WWOX: variants seen among roughly 807,000 people sequenced by gnomAD.
The protein encoded by WWOX is WW domain containing oxidoreductase.
A neutral mutation model predicts 46.2 loss-of-function variants in WWOX; 69 were observed. That is an observed-to-expected ratio of 1.49 (90% CI 1.23 to 1.82). The LOEUF (loss-of-function observed/expected upper bound fraction) is 1.82. Ranked by LOEUF, WWOX falls within the 40% of genes most tolerant of loss-of-function variation. WWOX has a pLI of 0.00. For missense variants in WWOX, 919 were observed against 542.6 expected (o/e 1.69, Z -6.89); for synonymous variants, 359 against 202.6 (o/e 1.77, Z -6.56).
chr16:78,650,944 A>G (rs2046952885), intron 8 of WWOX, among the ~76,000 whole-genome samples: 1 of 152,234 alleles, frequency 6.6e-6, no homozygotes, highest in Admixed American at 6.5e-5. Context: ...TTTATGTCCT[A>G]AAACCTTATC....
At chr16:79,027,333 T>G (rs147315901) in intron 8 of WWOX, among the ~76,000 whole-genome samples, 7 of 150,212 alleles carry the variant, frequency 4.7e-5, no homozygotes, top group African/African-American at 1.5e-4. Flanking sequence ...GTAGATAATA[T>G]AGCTCTGCAG....
chr16:79,093,493 T>C (rs1202327273), intron 8 of WWOX, among the ~76,000 whole-genome samples: 4 of 148,324 alleles, frequency 2.7e-5, no homozygotes, highest in African/African-American at 1.0e-4. Context: ...TATATGATGA[T>C]TTTTTTTTCT....
At chr16:78,468,067 T>A (rs1163350545) in intron 8 of WWOX, among the ~76,000 whole-genome samples, 1 of 152,152 alleles carries the variant, frequency 6.6e-6, no homozygotes, top group African/African-American at 2.4e-5. Flanking sequence ...AAGCCACCAA[T>A]CAAAACTGAC....
intron 8 of WWOX, among the ~76,000 whole-genome samples, chr16:78,984,113 C>G (rs1277512125): frequency 6.6e-6 from 1 of 152,028 alleles, no homozygotes; most frequent in South Asian, 2.1e-4. Context: ...CTCCTGACCT[C>G]GTGATCTGCC....
chr16:78,657,398 G>A (rs575096527), intron 8 of WWOX, among the ~76,000 whole-genome samples: 3 of 152,056 alleles, frequency 2.0e-5, no homozygotes, highest in East Asian at 1.9e-4. Context: ...TGTGCTTCCC[G>A]ACTCCCAGGG....
chr16:79,164,216 A>G (rs974627031), intron 8 of WWOX, among the ~76,000 whole-genome samples: 1 of 152,204 alleles, frequency 6.6e-6, no homozygotes, highest in Admixed American at 6.5e-5. Flanking sequence ...AGCTACAGCA[A>G]TTGAGGCTTG....
rs1171762029 is a variant in WWOX at position 78,293,982 on chromosome 16, A to AAAC, written c.517-92876_517-92875insCAA. Among the ~76,000 whole-genome samples the AAAC allele has an allele frequency of 2.4e-3, 328 of 135,816 alleles. 14 individuals are homozygous for AAAC. Among genetic ancestry groups the AAAC allele is most frequent in the Middle Eastern group, 0.015 (4 of 266 alleles). 89.1% of individuals were successfully genotyped at this position (135,816 alleles called of 152,430 possible). On this transcript the variant is annotated intron_variant, in intron 5 of 8. Transcript: ENST00000566780. Reference sequence around the variant, plus strand: ...ACAGAGTGAGACTCTGTCTCAGAAAAAAAAAAAAAAAAAAAAAAAAAAAAA... The same window carrying AAAC: ...ACAGAGTGAGACTCTGTCTCAGAAAAAACAAAAAAAAAAAAAAAAAAAAAAAAA...
chr16:79,026,710 C>T (rs909643817), intron 8 of WWOX, among the ~76,000 whole-genome samples: 6 of 149,610 alleles, frequency 4.0e-5, no homozygotes, highest in Admixed American at 6.6e-5. Flanking sequence ...CTCCGCCTCC[C>T]GGGTTCACAC....
At chr16:78,849,837 C>T (rs2151179153) in intron 8 of WWOX, among the ~76,000 whole-genome samples, 1 of 152,176 alleles carries the variant, frequency 6.6e-6, no homozygotes, top group African/African-American at 2.4e-5. Flanking sequence ...CTTTGGGAGG[C>T]CGAGGTGGTC....
At chr16:78,633,137 C>T (rs574772964) in intron 8 of WWOX, among the ~76,000 whole-genome samples, 2 of 152,014 alleles carry the variant, frequency 1.3e-5, no homozygotes, top group Non-Finnish European at 2.9e-5. Flanking sequence ...TGGCGTGTGC[C>T]TGTAATCCCA....
chr16:78,829,086 AGATGGATGGATGGATGGATGGATG>A (rs59225171), intron 8 of WWOX, among the ~76,000 whole-genome samples: 2 of 147,604 alleles, frequency 1.4e-5, no homozygotes, highest in Admixed American at 6.7e-5. Flanking sequence ...TCCATCTGGA[AGATGGATGGATGGATGGATGGATG>A]GATGGATGGA....
Position 78,657,881 on chromosome 16 carries a change from G to A in WWOX, c.1056+225129G>A, listed in dbSNP as rs140684306. Among the ~76,000 whole-genome samples the A allele has an allele frequency of 2.2e-3, 338 of 152,086 alleles. 9 individuals carry two copies. Among genetic ancestry groups the A allele is most frequent in the Admixed American group, 0.019 (292 of 15,272 alleles). ...TTCGGGGGCTGGAGTAGTGTGCAGA[G>A]CCTGGCGGTGATTGTTCTCATTAGA... On this transcript the variant is annotated intron_variant, in intron 8 of 8. Transcript: ENST00000566780.
intron 8 of WWOX, among the ~76,000 whole-genome samples, chr16:78,726,149 C>G (rs1406949649): frequency 7.1e-6 from 1 of 140,602 alleles, no homozygotes; most frequent in Non-Finnish European, 1.5e-5. Context: ...TTCTCTTTCT[C>G]TCTTTCTCTT....
intron 8 of WWOX, 87 bp downstream of exon 8, chr16:78,432,839 G>A (rs2083257787): frequency 1.9e-6 from 3 of 1,593,012 alleles, no homozygotes; most frequent in Non-Finnish European, 1.7e-6. Flanking sequence ...CCTCTTGCGG[G>A]CATGAGTCTG....
chr16:79,003,907 G>A (rs1171993590), intron 8 of WWOX, among the ~76,000 whole-genome samples: 1 of 152,182 alleles, frequency 6.6e-6, no homozygotes, highest in African/African-American at 2.4e-5. Flanking sequence ...GAGGAGAAGC[G>A]AATTGATGGG....
intron 8 of WWOX, among the ~76,000 whole-genome samples, chr16:78,594,994 G>A (rs2045452992): frequency 6.6e-6 from 1 of 152,182 alleles, no homozygotes; most frequent in African/African-American, 2.4e-5. Flanking sequence ...TTGAAGACTT[G>A]TGGAAAAGGG....
At chr16:78,124,970 C>A (rs530901827) in intron 4 of WWOX, among the ~76,000 whole-genome samples, 1 of 152,044 alleles carries the variant, frequency 6.6e-6, no homozygotes, top group Admixed American at 6.6e-5. Flanking sequence ...CGGAGCTAAG[C>A]CTTTTGTATG....
intron 5 of WWOX, among the ~76,000 whole-genome samples, chr16:78,243,204 G>A (rs1024745335): frequency 4.0e-5 from 6 of 151,858 alleles, no homozygotes; most frequent in Non-Finnish European, 8.8e-5. Flanking sequence ...AGTAATACAC[G>A]TTTCTTCTAT....
intron 8 of WWOX, among the ~76,000 whole-genome samples, chr16:78,676,345 C>T (rs1200914494): frequency 1.3e-5 from 2 of 151,816 alleles, no homozygotes; most frequent in Admixed American, 6.6e-5. Flanking sequence ...GCCCTCCATT[C>T]AGATCTTGTC....
Sources: gnomAD v4.1 joint callset for allele counts (sites outside exome capture counted in the v4.1 genomes callset) on GRCh38, gnomAD v4.1.1 for gene constraint, MANE v1.5 for transcripts, NCBI Gene and HGNC (gene_info 2026-07-23, HGNC 2026-07-21) for gene names.